DGKH: variants seen among roughly 807,000 people sequenced by gnomAD.
DGKH encodes the protein diacylglycerol kinase eta, also known as DAG kinase eta.
Under a neutral mutation model 159.3 loss-of-function variants are expected in DGKH, and 90 were observed. The ratio of observed to expected loss-of-function variants is 0.57; its 90% CI spans 0.48 to 0.67. The LOEUF is 0.67. Ranked by LOEUF, DGKH falls within the 30% of genes least tolerant of loss-of-function variation. The pLI is 0.00. For missense variants in DGKH, 1,181 were observed against 1,506.1 expected, an observed-to-expected ratio of 0.78 and a Z score of 3.57; for synonymous variants, 536 against 553.8, an observed-to-expected ratio of 0.97 and a Z score of 0.45.
At chr13:42,203,952 G>T (rs1330707614) in intron 20 of DGKH, among the ~76,000 whole-genome samples, 1 of 152,146 alleles carries the variant, frequency 6.6e-6, no homozygotes, top group African/African-American at 2.4e-5. Flanking sequence ...ATGTGAATTT[G>T]TTAATTTGTT....
At chr13:42,247,285 C>T (rs1275564285), downstream of DGKH, among the ~76,000 whole-genome samples, 2 of 137,908 alleles carry the variant, frequency 1.5e-5, no homozygotes, top group African/African-American at 5.4e-5. Flanking sequence ...GGCTGGAATA[C>T]AATGGCATGA....
At chr13:42,171,699 C>A (rs908532201) in intron 11 of DGKH, among the ~76,000 whole-genome samples, 1 of 152,070 alleles carries the variant, frequency 6.6e-6, no homozygotes, top group Non-Finnish European at 1.5e-5. Context: ...ATTTTTTGCA[C>A]TGGAATGTTA....
intron 11 of DGKH, among the ~76,000 whole-genome samples, chr13:42,173,315 T>A (rs1350137236): frequency 2.0e-5 from 3 of 152,342 alleles, no homozygotes; most frequent in African/African-American, 7.2e-5. Flanking sequence ...CTGGCCCAAC[T>A]CTTCTTCCCA....
At chr13:42,189,714 T>C (rs1394187898) in intron 15 of DGKH, among the ~76,000 whole-genome samples, 1 of 152,202 alleles carries the variant, frequency 6.6e-6, no homozygotes, top group Non-Finnish European at 1.5e-5. Flanking sequence ...TTGCCCAAGC[T>C]GGAGTACAGT....
intron 1 of DGKH, among the ~76,000 whole-genome samples, chr13:42,123,545 G>A (rs369443755): frequency 3.3e-5 from 5 of 151,046 alleles, no homozygotes; most frequent in African/African-American, 4.9e-5. Context: ...TAATACAATG[G>A]AAAAAAAAAG....
rs181600017 is a variant in DGKH, at chr13:42,182,723, G to A, written c.1539-4326G>A. 3.3e-5 allele frequency among the ~76,000 whole-genome samples: 5 copies of A among 152,238 alleles called. No homozygotes were observed. The East Asian group carries it at 9.6e-4, about 29-fold the overall frequency. On this transcript the variant is annotated intron_variant, in intron 13 of 29. Transcript: ENST00000337343. ...GATGTGGAACCCATGAATATGGAGGGCTAACTGTATGTGTGTGTGTGTGCT... is the reference window on the plus strand; with the variant it reads ...GATGTGGAACCCATGAATATGGAGGACTAACTGTATGTGTGTGTGTGTGCT...
At chr13:42,069,228 T>TC in intron 1 of DGKH, 1 of 1,168,468 alleles carries the variant, frequency 8.6e-7, no homozygotes, top group Non-Finnish European at 1.2e-6. Context: ...TAGTGTGTTT[T>TC]CCTTCTTAAC....
chr13:42,229,042 C>G, intron 29 of DGKH, 57 bp from the exon 30 acceptor site: 1 of 1,441,754 alleles, frequency 6.9e-7, no homozygotes, highest in East Asian at 2.4e-5. Flanking sequence ...AATTTTCTTT[C>G]TGTGTTTTTT....
At chr13:42,211,829 G>A (rs1957665791) in intron 24 of DGKH, among the ~76,000 whole-genome samples, 1 of 152,194 alleles carries the variant, frequency 6.6e-6, no homozygotes, top group African/African-American at 2.4e-5. Flanking sequence ...GAGAGCATGT[G>A]CAAGGGAACT....
At chr13:42,100,796 T>C (rs1484079639) in intron 1 of DGKH, among the ~76,000 whole-genome samples, 1 of 152,182 alleles carries the variant, frequency 6.6e-6, no homozygotes, top group African/African-American at 2.4e-5. Context: ...ACCTTCAAAT[T>C]ATCTCCCTTC....
intron 20 of DGKH, among the ~76,000 whole-genome samples, chr13:42,200,141 G>T (rs1957312395): frequency 6.6e-6 from 1 of 152,092 alleles, no homozygotes; most frequent in Admixed American, 6.6e-5. Context: ...CTGGAGTTGT[G>T]GTGCCCCACG....
At chr13:42,060,105 C>T (rs535529587) in intron 1 of DGKH, among the ~76,000 whole-genome samples, 4 of 152,102 alleles carry the variant, frequency 2.6e-5, no homozygotes, top group South Asian at 4.2e-4. Flanking sequence ...GGGGTTTCAC[C>T]GTGTTGGCCA....
At chr13:42,255,412 A>T (rs1039556458) in intron 30 of DGKH, among the ~76,000 whole-genome samples, 4 of 152,096 alleles carry the variant, frequency 2.6e-5, no homozygotes, top group Non-Finnish European at 4.4e-5. Flanking sequence ...TGTCAGTGCT[A>T]TCTCTGAGAA....
At chr13:42,048,413 A>C (rs1411332877), upstream of DGKH, among the ~76,000 whole-genome samples, 1 of 152,034 alleles carries the variant, frequency 6.6e-6, no homozygotes, top group Non-Finnish European at 1.5e-5. This position sits in a 1 kb window ranked among gnomAD's most constrained non-coding sequence, Gnocchi z 6.7. Context: ...CATCCTAGGG[A>C]CCCAGACCGT....
chr13:42,083,637 C>T (rs1195300544), intron 1 of DGKH, among the ~76,000 whole-genome samples: 1 of 152,134 alleles, frequency 6.6e-6, no homozygotes, highest in Non-Finnish European at 1.5e-5. Flanking sequence ...TTGGACTGGG[C>T]TTCTGTGGCT....
intron 29 of DGKH, among the ~76,000 whole-genome samples, chr13:42,222,107 G>T (rs980733312): frequency 1.3e-5 from 2 of 152,128 alleles, no homozygotes; most frequent in African/African-American, 4.8e-5. Flanking sequence ...TTATTCTGTG[G>T]GTGAAGTCTC....
intron 1 of DGKH, among the ~76,000 whole-genome samples, chr13:42,106,464 G>A (rs1450688873): frequency 6.6e-6 from 1 of 152,186 alleles, no homozygotes; most frequent in Non-Finnish European, 1.5e-5. Context: ...GACAATGAGA[G>A]TAACATGTGA....
At chr13:42,219,139 G>T in intron 26 of DGKH, 91 bp from the exon 27 acceptor site, 1 of 1,504,828 alleles carries the variant, frequency 6.6e-7, no homozygotes, top group Non-Finnish European at 9.0e-7. Flanking sequence ...AAGGAGTGAG[G>T]CTGTTCACTG....
chr13:42,131,266 T>G (rs1955283806), intron 3 of DGKH, among the ~76,000 whole-genome samples: 1 of 152,222 alleles, frequency 6.6e-6, no homozygotes, highest in Non-Finnish European at 1.5e-5. Flanking sequence ...GTTGTTGTTC[T>G]TTTGTTGTGT....
Sources: allele counts gnomAD v4.1 joint callset (sites outside exome capture counted in the v4.1 genomes callset), GRCh38; gene constraint gnomAD v4.1.1; non-coding constraint Gnocchi (gnomAD v3.1); transcripts MANE v1.5; gene names NCBI Gene and HGNC (gene_info 2026-07-23, HGNC 2026-07-21).